Variants in FARS2 observed in about 807,000 individuals in gnomAD.
FARS2 encodes the protein phenylalanine--tRNA ligase, mitochondrial.
Under a neutral mutation model 46.4 loss-of-function variants are expected in FARS2, and 40 were observed. That is an observed-to-expected ratio of 0.86 (90% CI 0.67 to 1.12). The LOEUF is 1.12. Ranked by LOEUF, FARS2 falls within the 50% of genes most tolerant of loss-of-function variation. FARS2 has a pLI of 0.00. For synonymous variants in FARS2, 234 were observed against 214.9 expected (o/e 1.09, Z -0.78); for missense variants, 513 against 567.9 (o/e 0.90, Z 0.98).
chr6:5,345,951 C>T (rs972925979), intron 1 of FARS2, among the ~76,000 whole-genome samples: 5 of 152,146 alleles, frequency 3.3e-5, no homozygotes, highest in Non-Finnish European at 5.9e-5. Flanking sequence ...CCAGAAACCA[C>T]GAGCCATTCT....
At chr6:5,693,113 A>G (rs1008620872) in intron 6 of FARS2, among the ~76,000 whole-genome samples, 1 of 152,250 alleles carries the variant, frequency 6.6e-6, no homozygotes, top group African/African-American at 2.4e-5. Context: ...GCATAGTAAC[A>G]TCCTGTTAGT....
At chr6:5,650,766 C>G (rs9968889) in intron 6 of FARS2, among the ~76,000 whole-genome samples, 5,925 of 152,200 alleles carry the variant, frequency 0.039, 369 homozygotes, top group African/African-American at 0.13. Flanking sequence ...CATGAGCCAC[C>G]CTGCCTGGCC....
chr6:5,584,510 CT>C (rs1374050554), intron 5 of FARS2, among the ~76,000 whole-genome samples: 1 of 152,052 alleles, frequency 6.6e-6, no homozygotes, highest in Non-Finnish European at 1.5e-5. Context: ...AAATTAATTC[CT>C]CCTCCCAGCC....
At chr6:5,492,579 A>G (rs551213645) in intron 4 of FARS2, among the ~76,000 whole-genome samples, 4 of 152,264 alleles carry the variant, frequency 2.6e-5, no homozygotes, top group South Asian at 4.1e-4. Context: ...AGTATCTGCT[A>G]TGTATTAAGC....
At chr6:5,418,790 T>C (rs1762384381) in intron 3 of FARS2, among the ~76,000 whole-genome samples, 1 of 152,202 alleles carries the variant, frequency 6.6e-6, no homozygotes, top group Non-Finnish European at 1.5e-5. Context: ...ATGTTCTCCT[T>C]AGGTCTCACC....
chr6:5,644,604 G>A (rs562338636), intron 6 of FARS2, among the ~76,000 whole-genome samples: 1 of 152,270 alleles, frequency 6.6e-6, no homozygotes, highest in South Asian at 2.1e-4. Context: ...AGCATCTTTA[G>A]CCCACCTTGG....
At chr6:5,577,995 G>A (rs992704421) in intron 5 of FARS2, among the ~76,000 whole-genome samples, 1 of 151,978 alleles carries the variant, frequency 6.6e-6, no homozygotes, top group African/African-American at 2.4e-5. Context: ...TAGAGAATGG[G>A]TTTCACCGTG....
chr6:5,605,367 C>A (rs998252561), intron 5 of FARS2, among the ~76,000 whole-genome samples: 1 of 152,140 alleles, frequency 6.6e-6, no homozygotes, highest in African/African-American at 2.4e-5. Flanking sequence ...AAGGGAGGCC[C>A]GAATCACTGC....
At chr6:5,278,055 T>C (rs1471082091) in intron 1 of FARS2, among the ~76,000 whole-genome samples, 1 of 152,184 alleles carries the variant, frequency 6.6e-6, no homozygotes, top group Admixed American at 6.5e-5. Flanking sequence ...TAAATTATCA[T>C]CTCACATAAA....
At chr6:5,527,530 C>T (rs1208658369) in intron 4 of FARS2, among the ~76,000 whole-genome samples, 1 of 152,192 alleles carries the variant, frequency 6.6e-6, no homozygotes, top group Non-Finnish European at 1.5e-5. Context: ...TACAATGTTT[C>T]AACAGTGTTT....
chr6:5,638,740 T>C (rs1387741660), intron 6 of FARS2, among the ~76,000 whole-genome samples: 1 of 152,200 alleles, frequency 6.6e-6, no homozygotes, highest in African/African-American at 2.4e-5. Context: ...CCTCCCTCAG[T>C]GGACCCTGCT....
At chr6:5,287,774 A>C (rs932061256) in intron 1 of FARS2, among the ~76,000 whole-genome samples, 16 of 152,268 alleles carry the variant, frequency 1.1e-4, no homozygotes, top group African/African-American at 3.4e-4. Flanking sequence ...CACACGGGGA[A>C]TTCCTTAAGA....
intron 6 of FARS2, among the ~76,000 whole-genome samples, chr6:5,624,910 A>G (rs1460443636): frequency 6.6e-6 from 1 of 151,384 alleles, no homozygotes; most frequent in Non-Finnish European, 1.5e-5. Context: ...CGTTCACAAG[A>G]TCACTTCTTT....
chr6:5,550,816 T>C (rs1298120725), intron 5 of FARS2, among the ~76,000 whole-genome samples: 1 of 152,206 alleles, frequency 6.6e-6, no homozygotes, highest in Non-Finnish European at 1.5e-5. Flanking sequence ...CTTTCTTGAA[T>C]AATTCATTGC....
At chr6:5,451,607 G>A (rs1037949635) in intron 4 of FARS2, 35 of 152,118 alleles carry the variant, frequency 2.3e-4, no homozygotes, top group African/African-American at 6.5e-4. Flanking sequence ...GTGGCATAAG[G>A]CTAATATAAA....
chr6:5,640,386 C>T (rs190579584), intron 6 of FARS2, among the ~76,000 whole-genome samples: 32 of 152,264 alleles, frequency 2.1e-4, no homozygotes, highest in Non-Finnish European at 3.4e-4. Context: ...CTTCATATCA[C>T]GGCAAACACG....
At chr6:5,398,318 A>G (rs1562011204) in intron 2 of FARS2, among the ~76,000 whole-genome samples, 1 of 152,096 alleles carries the variant, frequency 6.6e-6, no homozygotes, top group Non-Finnish European at 1.5e-5. Flanking sequence ...CTTCTCTCCC[A>G]TATATTTATT....
intron 6 of FARS2, among the ~76,000 whole-genome samples, chr6:5,728,589 G>T (rs1003653812): frequency 2.0e-5 from 3 of 152,160 alleles, no homozygotes; most frequent in African/African-American, 7.2e-5. Flanking sequence ...AAAACACATT[G>T]TGCGCCGTGG....
intron 3 of FARS2, among the ~76,000 whole-genome samples, chr6:5,415,657 T>C (rs957715154): frequency 2.0e-5 from 3 of 152,206 alleles, no homozygotes; most frequent in African/African-American, 4.8e-5. Flanking sequence ...CTGAATATTA[T>C]GTACTTATTT....
Sources: allele counts gnomAD v4.1 joint callset (sites outside exome capture counted in the v4.1 genomes callset), GRCh38; gene constraint gnomAD v4.1.1; transcripts MANE v1.5; gene names NCBI Gene and HGNC (gene_info 2026-07-23, HGNC 2026-07-21).